The following ADCY8 variants were observed in gnomAD, a reference collection of about 807,000 sequenced individuals.
The protein encoded by ADCY8 is adenylate cyclase type 8.
A neutral mutation model predicts 119.7 loss-of-function variants in ADCY8; 51 were observed. That is an observed-to-expected ratio of 0.43 (90% CI 0.34 to 0.54). The LOEUF (loss-of-function observed/expected upper bound fraction) is 0.54, where lower values mean the gene tolerates loss of function less well. Among genes scored for constraint, ADCY8 ranks in the 20% least tolerant of loss-of-function variants. The pLI is 0.03. For synonymous variants in ADCY8, 665 were observed against 651.0 expected (o/e 1.02, Z -0.33); for missense variants, 1,383 against 1,598.8 (o/e 0.87, Z 2.30).
chr8:130,852,486 G>A (rs185766804), intron 9 of ADCY8, among the ~76,000 whole-genome samples: 2 of 152,148 alleles, frequency 1.3e-5, no homozygotes, highest in Admixed American at 6.5e-5. Flanking sequence ...CAGGCGGATC[G>A]CTTTGTCAGG....
chr8:130,822,639 A>G (rs1455537831), intron 12 of ADCY8, among the ~76,000 whole-genome samples: 1 of 152,086 alleles, frequency 6.6e-6, no homozygotes, highest in Admixed American at 6.5e-5. Flanking sequence ...TTGAGGACAT[A>G]GACACATTCC....
At chr8:130,858,900 A>ATG (rs139305903) in intron 9 of ADCY8, among the ~76,000 whole-genome samples, 17,682 of 148,628 alleles carry the variant, frequency 0.12, 1,147 homozygotes, top group East Asian at 0.27. Context: ...TATCATGTAT[A>ATG]TGTGTGTGTG....
intron 7 of ADCY8, among the ~76,000 whole-genome samples, chr8:130,898,321 C>T (rs751384086): frequency 7.3e-6 from 1 of 137,022 alleles, no homozygotes. Context: ...CTACCTGTCC[C>T]GAAGCTCTCT....
intron 13 of ADCY8, among the ~76,000 whole-genome samples, chr8:130,818,067 A>G (rs1816399529): frequency 6.6e-6 from 1 of 152,212 alleles, no homozygotes; most frequent in South Asian, 2.1e-4. Context: ...GAAATACAGT[A>G]CAAACAAAAC....
chr8:130,990,427 G>A lies in ADCY8; in HGVS notation c.1076C>T (p.Ala359Val). The A allele has an allele frequency of 1.2e-6, 2 of 1,614,174 alleles. No individual in the cohort carries two copies. Residue 359 changes from alanine (A) to valine (V), a missense_variant, in exon 2 of 18, where the codon GCC becomes GTC. Transcript: ENST00000286355. ...GTTCTCTGTCTCCAGGCGCAGCCTG[G>A]CCTCCACACACCTCCGAGTCTCCAG... is the stretch of plus-strand genomic sequence containing the variant. ...AFLETRRCVE[A>V]RLRLETENQR...
intron 2 of ADCY8, among the ~76,000 whole-genome samples, chr8:130,969,952 C>A (rs770361436): frequency 6.6e-5 from 10 of 152,132 alleles, no homozygotes; most frequent in Non-Finnish European, 1.5e-4. Context: ...ATTTTTGTAT[C>A]TTAATATATT....
chr8:130,943,217 C>A, intron 4 of ADCY8, 134 bp downstream of exon 4: 1 of 622,092 alleles, frequency 1.6e-6, no homozygotes. Context: ...GTGAGAGGGT[C>A]AGGGTCCATG....
intron 6 of ADCY8, among the ~76,000 whole-genome samples, chr8:130,905,936 C>T (rs1037874145): frequency 6.6e-6 from 1 of 152,152 alleles, no homozygotes; most frequent in Non-Finnish European, 1.5e-5. Context: ...CCCTCTCATC[C>T]TTCTAACCCA....
intron 8 of ADCY8, among the ~76,000 whole-genome samples, chr8:130,874,358 A>T (rs1336024168): frequency 6.9e-6 from 1 of 144,198 alleles, no homozygotes; most frequent in African/African-American, 2.6e-5. Context: ...AATAAATAAA[A>T]TACACCATTT....
chr8:130,995,121 C>A (rs1822732671), intron 1 of ADCY8, among the ~76,000 whole-genome samples: 1 of 152,166 alleles, frequency 6.6e-6, no homozygotes, highest in Non-Finnish European at 1.5e-5. Context: ...GACAATATTT[C>A]TACTCATGAG....
chr8:130,991,486 C>T (rs1012991299), intron 1 of ADCY8, among the ~76,000 whole-genome samples: 1 of 152,144 alleles, frequency 6.6e-6, no homozygotes, highest in Non-Finnish European at 1.5e-5. Flanking sequence ...AGACAGTAAG[C>T]AATTGAGTTA....
intron 1 of ADCY8, among the ~76,000 whole-genome samples, chr8:131,024,959 A>C (rs1311585363): frequency 6.6e-6 from 1 of 152,216 alleles, no homozygotes; most frequent in Non-Finnish European, 1.5e-5. Flanking sequence ...CCCCACATGC[A>C]CATTCATTAT....
chr8:130,960,915 GT>G (rs1407260094), intron 2 of ADCY8, among the ~76,000 whole-genome samples: 1 of 152,032 alleles, frequency 6.6e-6, no homozygotes, highest in African/African-American at 2.4e-5. Flanking sequence ...CTTAGTTTTG[GT>G]TTTAACATAC....
intron 2 of ADCY8, among the ~76,000 whole-genome samples, chr8:130,980,797 G>A (rs1037776914): frequency 2.6e-5 from 4 of 152,180 alleles, no homozygotes; most frequent in Admixed American, 2.0e-4. Flanking sequence ...ATCAAGAGTA[G>A]TGTCAAGGTT....
At chr8:130,970,232 C>T (rs1407099031) in intron 2 of ADCY8, among the ~76,000 whole-genome samples, 1 of 152,190 alleles carries the variant, frequency 6.6e-6, no homozygotes, top group Non-Finnish European at 1.5e-5. Context: ...AGTGGGCAAG[C>T]CGACAAGGCT....
Position 130,780,775 on chromosome 8 carries a change from G to T in ADCY8, c.3371C>A (p.Thr1124Lys). The T allele has an allele frequency of 6.2e-7, 1 of 1,614,184 alleles. No individual in the cohort carries two copies. Among genetic ancestry groups the T allele is most frequent in the South Asian group, 1.1e-5 (1 of 91,076 alleles). ...GACTTGGATCCGGCCACTAACCCCC[G>T]TGCTGTCCATTCGGCTTGCCAGGTT... ...TVNLASRMDSTGVSGRIQVPE... is the reference protein window; with the variant it reads ...TVNLASRMDSKGVSGRIQVPE... Residue 1124 changes from threonine to lysine, a missense_variant, in exon 18 of 18, where the codon ACG becomes AAG. Physicochemically the swap from Thr to Lys is moderately conservative, Grantham distance 78. Around this residue, in one of 2 missense-constraint regions of ADCY8, gnomAD observed 928 missense variants for 1,163.5 expected, o/e 0.80. Coordinates refer to ENST00000286355, the MANE Select transcript of ADCY8 (RefSeq NM_001115.3).
In ADCY8 at chr8:130,899,426, T is replaced by G. The variant is rs528483838; in HGVS notation, c.1911+4346A>C. 2.6e-5 allele frequency among the ~76,000 whole-genome samples: 4 copies of G among 152,110 alleles called. No homozygotes were observed. The South Asian group carries it at 8.3e-4, about 32-fold the overall frequency. The stretch of plus-strand genomic sequence containing the variant: ...TTCGTGACCAGCCTGGCCAACATGG[T>G]GAAATCCCATCTCTACTAAAAATAC... On this transcript the variant is annotated intron_variant, in intron 7 of 17. Transcript: ENST00000286355.
chr8:130,846,256 T>C (rs576725522), intron 11 of ADCY8, among the ~76,000 whole-genome samples: 5 of 152,240 alleles, frequency 3.3e-5, no homozygotes, highest in African/African-American at 7.2e-5. Context: ...ACTGTTCTAC[T>C]TTATGACCCA....
intron 1 of ADCY8, among the ~76,000 whole-genome samples, chr8:131,031,387 T>C (rs1451851242): frequency 6.6e-6 from 1 of 152,232 alleles, no homozygotes; most frequent in Non-Finnish European, 1.5e-5. Flanking sequence ...CTCTTTGTCA[T>C]GGCAGAACCC....
Sources: gnomAD v4.1 joint callset for allele counts (sites outside exome capture counted in the v4.1 genomes callset) on GRCh38, gnomAD v4.1.1 for gene constraint, gnomAD v4.1.1 regional missense constraint, MANE v1.5 for transcripts, NCBI Gene and HGNC (gene_info 2026-07-23, HGNC 2026-07-21) for gene names.